FTO: variants seen among roughly 807,000 people sequenced by gnomAD.
The protein encoded by FTO is FTO alpha-ketoglutarate dependent dioxygenase, also known as alpha-ketoglutarate-dependent dioxygenase FTO.
A neutral mutation model predicts 63.9 loss-of-function variants in FTO; 47 were observed. The ratio of observed to expected loss-of-function variants is 0.74; its 90% CI spans 0.58 to 0.94. The LOEUF (loss-of-function observed/expected upper bound fraction) is 0.94, where lower values mean the gene tolerates loss of function less well. FTO is among the 40% of genes least tolerant of loss of function. The probability of loss-of-function intolerance (pLI) is 0.00; values close to 1 mark genes in which losing one functional copy is unlikely to be tolerated. For missense variants in FTO, 562 were observed against 618.1 expected (o/e 0.91, Z 0.96); for synonymous variants, 207 against 224.4 (o/e 0.92, Z 0.69).
rs563750494 is a variant in FTO, at chr16:53,711,411, A to G, written c.45+7182A>G. The G allele has an allele frequency of 9.8e-5, 39 of 398,604 alleles. No homozygotes were observed. The South Asian group carries it at 4.3e-3, about 44-fold the overall frequency. The allele number at this position is 398,604 out of a possible 1,614,324, so 24.7% of individuals were successfully genotyped here. A position where few individuals can be genotyped will look rare whatever the true frequency, so the allele number is the denominator to read the frequency against. ...TAGTGTACTCAGCACCAGGGTAAAG[A>G]TGGCAGACACAGTCCCATGGAACTG... On this transcript the variant is annotated intron_variant, in intron 1 of 8. Coordinates refer to ENST00000471389, the MANE Select transcript of FTO (RefSeq NM_001080432.3).
At chr16:53,991,674 G>A (rs1431398461) in intron 8 of FTO, 1 of 152,142 alleles carries the variant, frequency 6.6e-6, no homozygotes, top group East Asian at 1.9e-4. Flanking sequence ...ATGCTTCCTG[G>A]AGGATCACCT....
At chr16:54,104,782 T>C (rs1167118596) in intron 8 of FTO, among the ~76,000 whole-genome samples, 1 of 152,236 alleles carries the variant, frequency 6.6e-6, no homozygotes, top group Non-Finnish European at 1.5e-5. Context: ...GAGGAGACTT[T>C]TAAACACTGG....
Position 53,737,956 on chromosome 16 carries a change from C to CT in FTO, c.45+33735dup, listed in dbSNP as rs142804622. Among the ~76,000 whole-genome samples, 592 of 149,982 alleles carry CT rather than the reference C, an allele frequency of 3.9e-3. 4 individuals carry two copies. Among genetic ancestry groups the CT allele is most frequent in the Admixed American group, 6.8e-3 (102 of 15,074 alleles). ...TGTAGAATGTATAAGTTCTTTCTTT[C>CT]TTTTTTTTCTTTTTTGAGACAAGGT... is the stretch of plus-strand genomic sequence containing the variant. On this transcript the variant is annotated intron_variant, in intron 1 of 8. Transcript: ENST00000471389.
chr16:54,022,135 A>G (rs1567522713), intron 8 of FTO, among the ~76,000 whole-genome samples: 1 of 152,082 alleles, frequency 6.6e-6, no homozygotes. Context: ...AGAAAAAAAC[A>G]AAAAAACAAA....
At chr16:54,108,495 G>T (rs1163555765) in intron 8 of FTO, among the ~76,000 whole-genome samples, 1 of 152,132 alleles carries the variant, frequency 6.6e-6, no homozygotes, top group Non-Finnish European at 1.5e-5. Flanking sequence ...AGCTGCTCCT[G>T]TATCCCCAGA....
At chr16:53,985,072 C>A in intron 8 of FTO, 1 of 438,742 alleles carries the variant, frequency 2.3e-6, no homozygotes, top group Admixed American at 2.5e-5. Flanking sequence ...TACAAGGTTA[C>A]CTGTTTGTTC....
intron 8 of FTO, among the ~76,000 whole-genome samples, chr16:53,976,536 A>ATTTAATTT (rs2083442129): frequency 6.6e-6 from 1 of 152,110 alleles, no homozygotes; most frequent in Non-Finnish European, 1.5e-5. Flanking sequence ...TCTTTTTAGA[A>ATTTAATTT]AATTTCGTTA....
chr16:54,010,497 G>A (rs1426083688), intron 8 of FTO, among the ~76,000 whole-genome samples: 1 of 151,932 alleles, frequency 6.6e-6, no homozygotes, highest in East Asian at 1.9e-4. Context: ...ATGTATATGG[G>A]AAATCAATAT....
At chr16:53,811,972 C>G (rs560069292) in intron 2 of FTO, among the ~76,000 whole-genome samples, 13 of 152,190 alleles carry the variant, frequency 8.5e-5, no homozygotes, top group African/African-American at 3.1e-4. Context: ...GCCACCACGC[C>G]TGGCTAATTT....
chr16:53,861,646 G>A (rs1201986447), intron 4 of FTO, among the ~76,000 whole-genome samples: 3 of 151,906 alleles, frequency 2.0e-5, no homozygotes. Flanking sequence ...ATTTATTTTA[G>A]GTGAAACATC....
At chr16:53,805,188 A>G (rs1434772767) in intron 1 of FTO, among the ~76,000 whole-genome samples, 2 of 152,242 alleles carry the variant, frequency 1.3e-5, no homozygotes, top group African/African-American at 4.8e-5. Context: ...CATTAGCAGC[A>G]TAATCTTGAC....
intron 1 of FTO, among the ~76,000 whole-genome samples, chr16:53,809,886 A>C (rs2078474676): frequency 6.6e-6 from 1 of 152,056 alleles, no homozygotes; most frequent in Admixed American, 6.6e-5. Flanking sequence ...TGTTATAGTG[A>C]GTTGTGATCA....
At chr16:53,911,141 A>C (rs2151942443) in intron 7 of FTO, 1 of 496,272 alleles carries the variant, frequency 2.0e-6, no homozygotes, top group Non-Finnish European at 3.6e-6. Flanking sequence ...CATGCCTATC[A>C]TGTGCCAGGC....
chr16:53,962,915 T>G (rs2143650516), intron 8 of FTO, among the ~76,000 whole-genome samples: 1 of 152,326 alleles, frequency 6.6e-6, no homozygotes, highest in Non-Finnish European at 1.5e-5. Context: ...TTCGTTTATA[T>G]ATGAGATGGG....
chr16:53,832,950 T>C (rs1182344810), intron 3 of FTO, among the ~76,000 whole-genome samples: 1 of 152,196 alleles, frequency 6.6e-6, no homozygotes, highest in Non-Finnish European at 1.5e-5. Flanking sequence ...ATTTGACCTT[T>C]TGTGTCTAGA....
chr16:54,056,583 G>A (rs7187423), intron 8 of FTO, among the ~76,000 whole-genome samples: 12,767 of 152,160 alleles, frequency 0.084, 922 homozygotes, highest in African/African-American at 0.19. Context: ...GACTACTCAC[G>A]CTGGGAGAAG....
At chr16:53,870,373 GACT>G (rs1194323714) in intron 4 of FTO, among the ~76,000 whole-genome samples, 1 of 152,166 alleles carries the variant, frequency 6.6e-6, no homozygotes, top group African/African-American at 2.4e-5. Flanking sequence ...AGCTCCCCTG[GACT>G]TTTTAACTCT....
At chr16:53,808,261 G>A (rs1248916490) in intron 1 of FTO, among the ~76,000 whole-genome samples, 3 of 151,888 alleles carry the variant, frequency 2.0e-5, no homozygotes, top group African/African-American at 4.8e-5. Flanking sequence ...CTGAGCCCAG[G>A]AAGTCAAGGC....
intron 2 of FTO, among the ~76,000 whole-genome samples, chr16:53,821,604 C>G (rs1353650090): frequency 1.3e-5 from 2 of 152,158 alleles, no homozygotes; most frequent in African/African-American, 4.8e-5. Context: ...CCACATGACT[C>G]TTCTCTTTGT....
Sources: gnomAD v4.1 joint callset for allele counts (sites outside exome capture counted in the v4.1 genomes callset) on GRCh38, gnomAD v4.1.1 for gene constraint, MANE v1.5 for transcripts, NCBI Gene and HGNC (gene_info 2026-07-23, HGNC 2026-07-21) for gene names.